MSRA: variants seen among roughly 807,000 people sequenced by gnomAD.
MSRA encodes mitochondrial peptide methionine sulfoxide reductase.
In MSRA, 54 loss-of-function variants were observed where a neutral mutation model predicts 31.3. That is an observed-to-expected ratio of 1.73 (90% CI 1.39 to 2.17). The LOEUF is 2.17. Among genes scored for constraint, MSRA ranks in the 30% most tolerant of loss-of-function variants. MSRA has a pLI of 0.00. For synonymous variants in MSRA, 169 were observed against 116.5 expected (o/e 1.45, Z -2.90); for missense variants, 507 against 300.9 (o/e 1.69, Z -5.07).
At chr8:10,279,833 A>G (rs759054725) in intron 3 of MSRA, among the ~76,000 whole-genome samples, 2 of 152,196 alleles carry the variant, frequency 1.3e-5, no homozygotes, top group African/African-American at 4.8e-5. Context: ...ATATGTATAT[A>G]TGTATGATGT....
chr8:10,299,651 T>A (rs982895906), intron 3 of MSRA, among the ~76,000 whole-genome samples: 9 of 152,136 alleles, frequency 5.9e-5, no homozygotes, highest in Non-Finnish European at 1.2e-4. Flanking sequence ...GAAATTTGTG[T>A]TTTACTTCAC....
chr8:10,293,738 C>T lies in MSRA; in HGVS notation c.332-7796C>T, dbSNP rs1306850745. Reference sequence around the variant, plus strand: ...CCTCCTGCTTCCTCCCCTTCCCTCTCCTCCCTCCCTTTCCTTCCCCTTCTC... The same window carrying T: ...CCTCCTGCTTCCTCCCCTTCCCTCTTCTCCCTCCCTTTCCTTCCCCTTCTC... On this transcript the variant is annotated intron_variant, in intron 3 of 5. Coordinates refer to ENST00000317173, the MANE Select transcript of MSRA (RefSeq NM_012331.5). 2.6e-5 allele frequency among the ~76,000 whole-genome samples: 4 copies of T among 152,162 alleles called. No individual in the cohort carries two copies. The East Asian group carries it at 7.7e-4, about 29-fold the overall frequency.
intron 3 of MSRA, among the ~76,000 whole-genome samples, chr8:10,285,798 C>T (rs10111805): frequency 0.023 from 3,438 of 152,148 alleles, 138 homozygotes; most frequent in African/African-American, 0.076. Flanking sequence ...CTAAGCTTAT[C>T]TATGTTATCT....
chr8:10,409,429 C>G (rs1301261035), intron 5 of MSRA, among the ~76,000 whole-genome samples: 1 of 152,180 alleles, frequency 6.6e-6, no homozygotes, highest in Non-Finnish European at 1.5e-5. Context: ...CACACGGGGA[C>G]ATGGAATTCT....
Position 10,245,155 on chromosome 8 carries a change from T to G in MSRA, c.263T>G (p.Val88Gly), listed in dbSNP as rs767823076. ...AGGAAATTCTGGGTCTTGAAAGGAG[T>G]GTATTCAACTCAAGTTGGTTTTGCA... ...AERKFWVLKG[V>G]YSTQVGFAGG... Residue 88 changes from valine to glycine, a missense_variant, in exon 3 of 6, where the codon GTG becomes GGG. Transcript: ENST00000317173. 11 of 1,612,886 alleles carry G rather than the reference T, an allele frequency of 6.8e-6. No homozygotes were observed. The highest frequency in any genetic ancestry group is 6.8e-6 in the Non-Finnish European group (8 of 1,179,584).
intron 1 of MSRA, among the ~76,000 whole-genome samples, chr8:10,149,948 A>G (rs76830645): frequency 0.043 from 364 of 8,508 alleles, 3 homozygotes; most frequent in African/African-American, 0.079. Context: ...ATTTACAAAT[A>G]GTTGCTGGTA....
At chr8:10,321,040 A>C (rs1802018389) in intron 5 of MSRA, among the ~76,000 whole-genome samples, 1 of 152,198 alleles carries the variant, frequency 6.6e-6, no homozygotes, top group Non-Finnish European at 1.5e-5. Context: ...ACACTTTCTC[A>C]TAACAGTAAA....
intron 3 of MSRA, among the ~76,000 whole-genome samples, chr8:10,256,987 C>G (rs1033243451): frequency 6.6e-6 from 1 of 152,272 alleles, no homozygotes; most frequent in East Asian, 1.9e-4. Context: ...TTCATAATAG[C>G]TCAGTGAAAA....
intron 5 of MSRA, among the ~76,000 whole-genome samples, chr8:10,343,935 C>A (rs563278872): frequency 2.0e-5 from 3 of 152,290 alleles, no homozygotes; most frequent in South Asian, 2.1e-4. Flanking sequence ...TCAATTGATT[C>A]ATCCTCAGTC....
intron 3 of MSRA, among the ~76,000 whole-genome samples, chr8:10,258,467 A>C (rs928190532): frequency 6.6e-6 from 1 of 152,244 alleles, no homozygotes; most frequent in East Asian, 1.9e-4. Context: ...TCATCTCCCT[A>C]TTCTTGTGAC....
At chr8:10,213,175 A>G (rs1563225179) in intron 2 of MSRA, among the ~76,000 whole-genome samples, 1 of 152,000 alleles carries the variant, frequency 6.6e-6, no homozygotes, top group African/African-American at 2.4e-5. Flanking sequence ...AACGATCCCC[A>G]CCTTCTCCTG....
chr8:10,242,876 T>G (rs945730630), intron 2 of MSRA, among the ~76,000 whole-genome samples: 1 of 152,176 alleles, frequency 6.6e-6, no homozygotes, highest in Non-Finnish European at 1.5e-5. Context: ...AATGTGGACA[T>G]TGACCATATT....
intron 3 of MSRA, among the ~76,000 whole-genome samples, chr8:10,271,509 T>G: frequency 6.6e-6 from 1 of 152,258 alleles, no homozygotes; most frequent in African/African-American, 2.4e-5. Context: ...AACTTGAATA[T>G]GGAGTGGGAA....
chr8:10,292,593 G>T (rs1436491787), intron 3 of MSRA, among the ~76,000 whole-genome samples: 2 of 152,228 alleles, frequency 1.3e-5, no homozygotes, highest in African/African-American at 4.8e-5. Flanking sequence ...CTCAGTGGAG[G>T]AGCCCTGCTC....
chr8:10,253,987 C>A (rs1054149595), intron 3 of MSRA, among the ~76,000 whole-genome samples: 1 of 152,072 alleles, frequency 6.6e-6, no homozygotes, highest in Admixed American at 6.6e-5. Context: ...GTGAGCGGAG[C>A]GGCTTGGGAA....
At chr8:10,423,023 T>C (rs1260235208) in intron 5 of MSRA, among the ~76,000 whole-genome samples, 1 of 152,146 alleles carries the variant, frequency 6.6e-6, no homozygotes, top group African/African-American at 2.4e-5. Flanking sequence ...TCTGGTGACA[T>C]CCCACTGTCA....
rs537560323 is a variant in MSRA at position 10,335,959 on chromosome 8, T to A, written c.543+15970T>A. Among the ~76,000 whole-genome samples, 65 of 152,278 alleles carry A rather than the reference T, an allele frequency of 4.3e-4. 1 individual carries two copies. The highest frequency in any genetic ancestry group is 7.8e-4 in the Admixed American group (12 of 15,300). On this transcript the variant is annotated intron_variant, in intron 5 of 5. Coordinates refer to ENST00000317173, the MANE Select transcript of MSRA (RefSeq NM_012331.5). Reference sequence around the variant, plus strand: ...CAGGATGCACACTCCCGCTCCCTGATTCCAAGCTCTGTGCATGCTCTTTCC... The same window carrying A: ...CAGGATGCACACTCCCGCTCCCTGAATCCAAGCTCTGTGCATGCTCTTTCC...
At chr8:10,282,914 C>T (rs968875236) in intron 3 of MSRA, among the ~76,000 whole-genome samples, 1 of 152,122 alleles carries the variant, frequency 6.6e-6, no homozygotes, top group Non-Finnish European at 1.5e-5. Context: ...TAATTAGCCT[C>T]CTTCCACCTC....
At chr8:10,313,219 C>T (rs1801531558) in intron 4 of MSRA, among the ~76,000 whole-genome samples, 1 of 152,216 alleles carries the variant, frequency 6.6e-6, no homozygotes, top group Admixed American at 6.5e-5. Flanking sequence ...ACTTCTCTCT[C>T]TATATTCAGT....
Sources: gnomAD v4.1 joint callset for allele counts (sites outside exome capture counted in the v4.1 genomes callset) on GRCh38, gnomAD v4.1.1 for gene constraint, MANE v1.5 for transcripts, NCBI Gene and HGNC (gene_info 2026-07-23, HGNC 2026-07-21) for gene names.